SLC4A4: variants seen among roughly 807,000 people sequenced by gnomAD.
SLC4A4 encodes electrogenic sodium bicarbonate cotransporter 1.
A neutral mutation model predicts 111.5 loss-of-function variants in SLC4A4; 27 were observed. The ratio of observed to expected loss-of-function variants is 0.24; its 90% CI spans 0.18 to 0.33. The LOEUF is 0.33. Ranked by LOEUF, SLC4A4 falls within the 10% of genes least tolerant of loss-of-function variation. The pLI, the probability that SLC4A4 is intolerant of heterozygous loss-of-function variation, is 1.00. For missense variants in SLC4A4, 909 were observed against 1,315.5 expected (o/e 0.69, Z 4.78); for synonymous variants, 443 against 463.4 (o/e 0.96, Z 0.57).
In SLC4A4 at chr4:71,546,363, A is replaced by T. The variant is rs1735522094; in HGVS notation, c.2456A>T (p.Tyr819Phe). ...KEHKLKKGAG[Y>F]HLDLFWVAIL... ...CTCTTTCTACAGAAAGGAGCAGGGT[A>T]TCACTTGGATCTCTTTTGGGTGGCC... The change falls in exon 19 of 26, where the codon TAT becomes TTT. Residue 819 changes from tyrosine (Y) to phenylalanine (F), a missense_variant. Coordinates refer to ENST00000264485, the MANE Select transcript of SLC4A4 (RefSeq NM_001098484.3). 1 of 1,612,392 alleles carries T rather than the reference A, an allele frequency of 6.2e-7. No individual in the cohort carries two copies. The highest frequency in any genetic ancestry group is 1.1e-5 in the South Asian group (1 of 91,066).
intron 2 of SLC4A4, among the ~76,000 whole-genome samples, chr4:71,141,477 T>C (rs1743997095): frequency 6.6e-6 from 1 of 152,198 alleles, no homozygotes; most frequent in Non-Finnish European, 1.5e-5. Flanking sequence ...TGTGTATTTC[T>C]CCTTTTGGGC....
intron 3 of SLC4A4, among the ~76,000 whole-genome samples, chr4:71,296,388 TA>T (rs1244730746): frequency 6.6e-6 from 1 of 152,210 alleles, no homozygotes; most frequent in Non-Finnish European, 1.5e-5. Flanking sequence ...GTCTCATGTA[TA>T]ATGATCAATA....
At chr4:71,326,098 T>A (rs1727480039) in intron 3 of SLC4A4, among the ~76,000 whole-genome samples, 1 of 151,908 alleles carries the variant, frequency 6.6e-6, no homozygotes, top group Non-Finnish European at 1.5e-5. Flanking sequence ...CCATGCCTCA[T>A]GCCCCTTCTT....
intron 3 of SLC4A4, among the ~76,000 whole-genome samples, chr4:71,294,724 G>A (rs1724637516): frequency 6.6e-6 from 1 of 152,176 alleles, no homozygotes; most frequent in African/African-American, 2.4e-5. Flanking sequence ...TTATCAAACT[G>A]ATTTCTACTT....
chr4:71,495,950 A>G (rs1304866121), intron 15 of SLC4A4, among the ~76,000 whole-genome samples: 1 of 152,120 alleles, frequency 6.6e-6, no homozygotes, highest in Non-Finnish European at 1.5e-5. Context: ...TCTTCCCAGG[A>G]AAGAGCCAGA....
intron 2 of SLC4A4, among the ~76,000 whole-genome samples, chr4:71,100,299 T>C (rs1162561459): frequency 6.6e-6 from 1 of 151,264 alleles, no homozygotes; most frequent in Non-Finnish European, 1.5e-5. Context: ...TGGGTCAACA[T>C]ACACAAATCA....
rs1730346505 is a variant in SLC4A4, at chr4:71,357,042, A to T, written c.585A>T (p.Leu195=). ...MIVDHQIETG[L]LKPELKDKVT... is the part of the protein sequence containing the mutation. ...TTGACCATCAGATTGAGACAGGCCT[A>T]TTGAAACCTGAACTTAAGGATAAGG... is the stretch of plus-strand genomic sequence containing the variant. Residue 195 remains leucine (L), a synonymous_variant, in exon 6 of 26, where the codon CTA becomes CTT. Coordinates refer to ENST00000264485, the MANE Select transcript of SLC4A4 (RefSeq NM_001098484.3). 1.2e-6 allele frequency: 2 copies of T among 1,614,124 alleles called. No individual in the cohort carries two copies. The highest frequency in any genetic ancestry group is 2.2e-5 in the South Asian group (2 of 91,074).
rs200050990 is a variant in SLC4A4 at position 71,158,139 on chromosome 4, G to C, written c.-2+65347G>C. 7.8e-3 allele frequency among the ~76,000 whole-genome samples: 1,017 copies of C among 130,014 alleles called. 6 individuals carry two copies. Among genetic ancestry groups the C allele is most frequent in the African/African-American group, 0.024 (900 of 36,844 alleles). The allele number at this position is 130,014 out of a possible 152,430, so 85.3% of individuals were successfully genotyped here. A position where few individuals can be genotyped will look rare whatever the true frequency, so the allele number is the denominator to read the frequency against. On this transcript the variant is annotated intron_variant, in intron 2 of 26. Coordinates refer to the SLC4A4 transcript ENST00000649996. ...TGTGTGTGTGTGTGTGTGTGTGTGTGTGTCTCTCTCTCTCTCTCTCTTTCT... is the reference window on the plus strand; with the variant it reads ...TGTGTGTGTGTGTGTGTGTGTGTGTCTGTCTCTCTCTCTCTCTCTCTTTCT...
intron 6 of SLC4A4, among the ~76,000 whole-genome samples, chr4:71,366,351 GTGT>G (rs1307762208): frequency 3.3e-5 from 5 of 150,868 alleles, no homozygotes; most frequent in African/African-American, 1.2e-4. Context: ...GTGTGTGTGT[GTGT>G]GTATCTATTT....
intron 2 of SLC4A4, among the ~76,000 whole-genome samples, chr4:71,245,175 T>C (rs1720560736): frequency 6.6e-6 from 1 of 152,152 alleles, no homozygotes; most frequent in Admixed American, 6.6e-5. Context: ...AGCTGGACCA[T>C]GTGAACAGGG....
chr4:71,479,642 G>T (rs1007147296), intron 14 of SLC4A4, among the ~76,000 whole-genome samples: 29 of 151,648 alleles, frequency 1.9e-4, no homozygotes, highest in Non-Finnish European at 4.4e-5. Flanking sequence ...TATGAGGTAG[G>T]TTTAAATCAT....
At chr4:71,100,088 C>T (rs1009151819) in intron 2 of SLC4A4, among the ~76,000 whole-genome samples, 1 of 152,136 alleles carries the variant, frequency 6.6e-6, no homozygotes, top group African/African-American at 2.4e-5. Flanking sequence ...ATGGACTCCT[C>T]CCCAACTCAT....
intron 7 of SLC4A4, among the ~76,000 whole-genome samples, chr4:71,403,123 A>G (rs1472976118): frequency 3.9e-5 from 6 of 152,204 alleles, no homozygotes; most frequent in Admixed American, 2.0e-4. Context: ...CGGGTTTTGT[A>G]TCAGCTTTAA....
At chr4:71,220,292 G>C (rs1158279973) in intron 1 of SLC4A4, among the ~76,000 whole-genome samples, 1 of 152,130 alleles carries the variant, frequency 6.6e-6, no homozygotes, top group Non-Finnish European at 1.5e-5. Flanking sequence ...TTAAAATTAA[G>C]GTATGTGCAT....
intron 3 of SLC4A4, chr4:71,301,298 G>A (rs954701774): frequency 4.9e-5 from 12 of 247,416 alleles, no homozygotes; most frequent in Non-Finnish European, 9.5e-5. Flanking sequence ...GAGGAGCCGT[G>A]GAACATTGCC....
intron 1 of SLC4A4, among the ~76,000 whole-genome samples, chr4:71,216,498 T>C (rs922099156): frequency 2.6e-5 from 4 of 152,204 alleles, no homozygotes; most frequent in African/African-American, 9.7e-5. Flanking sequence ...CTGACTATTA[T>C]CAACAAGTTG....
intron 2 of SLC4A4, among the ~76,000 whole-genome samples, chr4:71,245,172 C>T (rs1415909103): frequency 1.3e-5 from 2 of 152,062 alleles, no homozygotes; most frequent in Non-Finnish European, 2.9e-5. Flanking sequence ...AGTAGCTGGA[C>T]CATGTGAACA....
chr4:71,561,666 T>C (rs1736992623), intron 23 of SLC4A4, among the ~76,000 whole-genome samples: 2 of 151,764 alleles, frequency 1.3e-5, no homozygotes, highest in Admixed American at 1.3e-4. Context: ...GTATATAGAT[T>C]TTGTTTCCAA....
intron 20 of SLC4A4, among the ~76,000 whole-genome samples, chr4:71,548,241 C>T (rs982510203): frequency 1.3e-5 from 2 of 151,724 alleles, no homozygotes; most frequent in African/African-American, 4.8e-5. Flanking sequence ...TTATAATTCA[C>T]AAAGGTAAAT....
Sources: gnomAD v4.1 joint callset for allele counts (sites outside exome capture counted in the v4.1 genomes callset) on GRCh38, gnomAD v4.1.1 for gene constraint, MANE v1.5 for transcripts, NCBI Gene and HGNC (gene_info 2026-07-23, HGNC 2026-07-21) for gene names.